PRELID2: variants seen among roughly 807,000 people sequenced by gnomAD.
PRELID2 encodes PRELI domain-containing protein 2.
In PRELID2, 25 loss-of-function variants were observed where a neutral mutation model predicts 28.4. The observed-to-expected ratio is 0.88, with a 90% CI of 0.64 to 1.23. PRELID2 has a LOEUF of 1.23. Ranked by LOEUF, PRELID2 falls within the 50% of genes most tolerant of loss-of-function variation. The probability of loss-of-function intolerance (pLI) is 0.00; values close to 1 mark genes in which losing one functional copy is unlikely to be tolerated. For synonymous variants in PRELID2, 76 were observed against 71.6 expected, an observed-to-expected ratio of 1.06 and a Z score of -0.31; for missense variants, 201 against 214.4, an observed-to-expected ratio of 0.94 and a Z score of 0.39.
chr5:145,295,788 A>C, the PRELID2 span, among the ~76,000 whole-genome samples: 2 of 152,164 alleles, frequency 1.3e-5, no homozygotes, highest in Non-Finnish European at 2.9e-5. Context: ...TCTTATCTAC[A>C]TGTATTTATT....
chr5:145,395,871 A>ATCT, the PRELID2 span, among the ~76,000 whole-genome samples: 2 of 152,146 alleles, frequency 1.3e-5, no homozygotes, highest in African/African-American at 4.8e-5. Flanking sequence ...TCCTCCAACC[A>ATCT]GATAGTCACT....
intron 1 of PRELID2, among the ~76,000 whole-genome samples, chr5:145,475,320 T>C (rs1752090408): frequency 6.6e-6 from 1 of 152,210 alleles, no homozygotes; most frequent in Non-Finnish European, 1.5e-5. Flanking sequence ...TTTATCCAAG[T>C]ATAAACTATG....
rs967789139 is a variant in PRELID2, at chr5:145,504,917, T to C, written n.71-31602A>G. Among the ~76,000 whole-genome samples, 3 of 152,256 alleles carry C rather than the reference T, an allele frequency of 2.0e-5. No homozygotes were observed. The East Asian group carries it at 5.8e-4, about 29-fold the overall frequency. On this transcript the variant is annotated intron_variant and non_coding_transcript_variant, in intron 1 of 2. Coordinates refer to the PRELID2 transcript ENST00000510259. Reference sequence around the variant, plus strand: ...TCCAAATGGTTGAACACCAATATATTCTTGTTCACTTCACATTTTGGACAC... The same window carrying C: ...TCCAAATGGTTGAACACCAATATATCCTTGTTCACTTCACATTTTGGACAC...
At chr5:145,468,000 T>C (rs1002486720), downstream of PRELID2, among the ~76,000 whole-genome samples, 1 of 151,972 alleles carries the variant, frequency 6.6e-6, no homozygotes, top group Non-Finnish European at 1.5e-5. Context: ...ATGTGCCATG[T>C]TGGTGTGCTG....
chr5:145,790,084 T>C (rs1375355154), intron 5 of PRELID2, among the ~76,000 whole-genome samples: 1 of 152,194 alleles, frequency 6.6e-6, no homozygotes, highest in East Asian at 1.9e-4. Flanking sequence ...GAAAACTATA[T>C]GAAAGTTCCT....
At chr5:145,310,283 G>A in the PRELID2 span, among the ~76,000 whole-genome samples, 1 of 152,118 alleles carries the variant, frequency 6.6e-6, no homozygotes, top group African/African-American at 2.4e-5. Context: ...TTGGATAGAG[G>A]GAGAGAATGT....
chr5:145,317,494 C>G, the PRELID2 span, among the ~76,000 whole-genome samples: 5 of 152,172 alleles, frequency 3.3e-5, no homozygotes, highest in Non-Finnish European at 5.9e-5. Context: ...GTCTGACATA[C>G]TCTGTAACAA....
At chr5:145,452,727 G>A in the PRELID2 span, among the ~76,000 whole-genome samples, 11 of 151,994 alleles carry the variant, frequency 7.2e-5, no homozygotes, top group South Asian at 4.2e-4. Context: ...TTAGTAAGTC[G>A]TTGTGAAGGG....
In PRELID2 at chr5:145,775,002, G is replaced by A. The variant is rs147198083; in HGVS notation, c.475-10002C>T. ...CACCTATAAACCCAGCACTTTGGGAGGCTGAGGTGGGTGGATCACTTGAAG... is the reference window on the plus strand; with the variant it reads ...CACCTATAAACCCAGCACTTTGGGAAGCTGAGGTGGGTGGATCACTTGAAG... On this transcript the variant is annotated intron_variant, in intron 5 of 6. Coordinates refer to ENST00000683046, the MANE Select transcript of PRELID2 (RefSeq NM_205846.3). 6.6e-3 allele frequency among the ~76,000 whole-genome samples: 1,000 copies of A among 152,314 alleles called. 11 individuals are homozygous for A. Among genetic ancestry groups the A allele is most frequent in the South Asian group, 0.02 (97 of 4,828 alleles).
chr5:145,293,021 T>G, the PRELID2 span, among the ~76,000 whole-genome samples: 3 of 152,084 alleles, frequency 2.0e-5, no homozygotes, highest in Admixed American at 6.6e-5. Context: ...ATGATCATTC[T>G]CCAACATTTT....
chr5:145,339,459 A>G, the PRELID2 span, among the ~76,000 whole-genome samples: 2 of 152,180 alleles, frequency 1.3e-5, no homozygotes. Flanking sequence ...CAAGACTAAC[A>G]TATGAAGCTG....
At chr5:145,554,162 C>T (rs1009869656) in intron 1 of PRELID2, among the ~76,000 whole-genome samples, 2 of 152,132 alleles carry the variant, frequency 1.3e-5, no homozygotes, top group Admixed American at 6.5e-5. Context: ...TGAGAATCAA[C>T]TACAAATACA....
At chr5:145,439,254 G>C in the PRELID2 span, among the ~76,000 whole-genome samples, 1 of 152,032 alleles carries the variant, frequency 6.6e-6, no homozygotes, top group Non-Finnish European at 1.5e-5. Flanking sequence ...GGAGACTTCA[G>C]GTAACATTCT....
intron 2 of PRELID2, among the ~76,000 whole-genome samples, chr5:145,821,184 A>T (rs1172431627): frequency 4.0e-3 from 140 of 34,630 alleles, no homozygotes; most frequent in Non-Finnish European, 5.5e-3. Context: ...TGTGTGTGTA[A>T]GTCCTCTTCT....
At chr5:145,764,079 C>T (rs1405807905) in intron 6 of PRELID2, among the ~76,000 whole-genome samples, 1 of 152,072 alleles carries the variant, frequency 6.6e-6, no homozygotes, top group Admixed American at 6.6e-5. Flanking sequence ...GGCAATAGAG[C>T]AAGACTCCAT....
the PRELID2 span, chr5:145,229,877 C>G: frequency 1.3e-6 from 1 of 752,186 alleles, no homozygotes; most frequent in Non-Finnish European, 2.4e-6. Context: ...TGCCGGTCCT[C>G]AAGGGCCAGG....
chr5:145,425,844 G>A, the PRELID2 span, among the ~76,000 whole-genome samples: 1 of 151,524 alleles, frequency 6.6e-6, no homozygotes. Context: ...GAACTTAAAA[G>A]TTGAAGAAAA....
chr5:145,571,977 G>A (rs180721790), intron 1 of PRELID2, among the ~76,000 whole-genome samples: 176 of 140,040 alleles, frequency 1.3e-3, no homozygotes, highest in Non-Finnish European at 1.8e-3. Context: ...GTGAGACTCC[G>A]TCTCAAAAAA....
At chr5:145,796,249 C>G in intron 5 of PRELID2, 193 bp downstream of exon 5, 1 of 395,662 alleles carries the variant, frequency 2.5e-6, no homozygotes. Context: ...TTTAATGAGC[C>G]ATAAATGCCA....
Sources: allele counts gnomAD v4.1 joint callset (sites outside exome capture counted in the v4.1 genomes callset), GRCh38; gene constraint gnomAD v4.1.1; transcripts MANE v1.5; gene names NCBI Gene and HGNC (gene_info 2026-07-23, HGNC 2026-07-21).